Variants in ING5 observed in about 807,000 individuals in gnomAD.
ING5 encodes the protein inhibitor of growth family member 5.
ING5 carries 17 observed loss-of-function variants against 37.4 expected under a neutral mutation model. The ratio of observed to expected loss-of-function variants is 0.45; its 90% CI spans 0.31 to 0.68. The LOEUF is 0.68. ING5 is among the 30% of genes least tolerant of loss of function. The pLI is 0.05. For missense variants in ING5, 233 were observed against 311.9 expected (o/e 0.75, Z 1.91); for synonymous variants, 123 against 116.6 (o/e 1.06, Z -0.36).
At chr2:241,697,825 G>A (rs112134035), upstream of ING5, among the ~76,000 whole-genome samples, 9 of 152,126 alleles carry the variant, frequency 5.9e-5, no homozygotes, top group Admixed American at 2.6e-4. Context: ...GCTCACGCCC[G>A]TAATCCCAAC....
intron 2 of ING5, among the ~76,000 whole-genome samples, chr2:241,693,958 C>G (rs141502918): frequency 2.0e-3 from 303 of 151,684 alleles, no homozygotes; most frequent in African/African-American, 6.8e-3. Flanking sequence ...CGCGCCTGGC[C>G]CTCTCTGGCA....
exon 1 of ING5, chr2:241,687,142 G>A: frequency 2.6e-6 from 1 of 389,692 alleles, no homozygotes; most frequent in South Asian, 1.4e-4. Context: ...GGAGCGCAGG[G>A]TCGGAGGGGC....
upstream of ING5, among the ~76,000 whole-genome samples, chr2:241,698,952 T>G: frequency 6.6e-6 from 1 of 151,424 alleles, no homozygotes; most frequent in South Asian, 2.1e-4. Context: ...GGTCTCGAAC[T>G]CCCGACCTCA....
intron 2 of ING5, among the ~76,000 whole-genome samples, chr2:241,704,942 T>G (rs1292645363): frequency 6.6e-6 from 1 of 152,240 alleles, no homozygotes; most frequent in African/African-American, 2.4e-5. Context: ...TATCATGTTT[T>G]TATAACCATC....
chr2:241,706,774 G>A (rs1448120494), intron 2 of ING5, among the ~76,000 whole-genome samples: 1 of 152,116 alleles, frequency 6.6e-6, no homozygotes, highest in Admixed American at 6.6e-5. Flanking sequence ...TCAGGAAGTT[G>A]GCGACATTGC....
chr2:241,715,077 T>C (rs1040522947), intron 5 of ING5, among the ~76,000 whole-genome samples: 3 of 152,226 alleles, frequency 2.0e-5, no homozygotes, highest in African/African-American at 7.2e-5. Flanking sequence ...TTTTATATCT[T>C]CCTTGTTCTA....
In ING5 at chr2:241,702,095, T is replaced by C; in HGVS notation, c.30T>C (p.Tyr10=). ...CGACCGCCATGTACTTGGAGCACTA[T>C]CTGGACAGTAAGCGCGCCCCACGGG... MATAMYLEH[Y]LDSIENLPCE... The change falls in exon 1 of 8, where the codon TAT becomes TAC. Residue 10 remains tyrosine, a synonymous_variant. Transcript: ENST00000313552. The C allele has an allele frequency of 7.4e-7, 1 of 1,358,256 alleles. No individual in the cohort carries two copies. The highest frequency in any genetic ancestry group is 3.4e-5 in the East Asian group (1 of 29,604). 84.1% of individuals were successfully genotyped at this position (1,358,256 alleles called of 1,614,324 possible).
upstream of ING5, among the ~76,000 whole-genome samples, chr2:241,698,221 G>C (rs774282195): frequency 2.4e-4 from 36 of 152,058 alleles, no homozygotes; most frequent in Non-Finnish European, 3.8e-4. Context: ...AAGGCAGGAG[G>C]ATCATGAGGT....
At chr2:241,717,512 A>G (rs2070307622) in intron 5 of ING5, among the ~76,000 whole-genome samples, 1 of 152,070 alleles carries the variant, frequency 6.6e-6, no homozygotes, top group Non-Finnish European at 1.5e-5. Context: ...CATTTTTTGC[A>G]GTACATGTAT....
At chr2:241,720,846 T>C (rs2070413083) in intron 5 of ING5, 2 of 985,714 alleles carry the variant, frequency 2.0e-6, no homozygotes, top group South Asian at 4.7e-5. Flanking sequence ...TCAGGGCTGA[T>C]AGCAGCACTC....
intron 5 of ING5, 187 bp downstream of exon 5, chr2:241,712,258 CAG>C (rs1165131600): frequency 2.5e-5 from 14 of 551,512 alleles, no homozygotes; most frequent in South Asian, 7.4e-5. Flanking sequence ...GTGCCGTTGT[CAG>C]GGGCATTTTC....
chr2:241,714,856 C>T (rs1478844540), intron 5 of ING5, among the ~76,000 whole-genome samples: 3 of 152,120 alleles, frequency 2.0e-5, no homozygotes, highest in Non-Finnish European at 2.9e-5. Flanking sequence ...TCAACCTCTC[C>T]GTGTGTTGAG....
chr2:241,701,948 C>CG (rs913648347), upstream of ING5: 1 of 557,448 alleles, frequency 1.8e-6, no homozygotes, highest in Admixed American at 4.8e-5. Context: ...ACCCCGCCCC[C>CG]GGGCGCGACC....
chr2:241,723,774 G>T, intron 7 of ING5: 3 of 1,598,252 alleles, frequency 1.9e-6, no homozygotes, highest in Non-Finnish European at 2.5e-6. Flanking sequence ...GCAACTTTCT[G>T]CATTGTTGTT....
intron 2 of ING5, among the ~76,000 whole-genome samples, chr2:241,708,532 A>G (rs1214516437): frequency 3.3e-5 from 5 of 152,174 alleles, no homozygotes; most frequent in Non-Finnish European, 7.4e-5. Context: ...TCTAAACTGA[A>G]GGGTTAAGAG....
chr2:241,719,380 C>G (rs530020981), intron 5 of ING5: 8 of 687,876 alleles, frequency 1.2e-5, no homozygotes, highest in South Asian at 8.4e-5. Flanking sequence ...CAACACCCCC[C>G]ACTCTGGCTG....
intron 5 of ING5, among the ~76,000 whole-genome samples, chr2:241,717,359 C>G (rs2070303629): frequency 6.6e-6 from 1 of 152,186 alleles, no homozygotes; most frequent in Non-Finnish European, 1.5e-5. Context: ...GCATGAGCCA[C>G]CGCGCCTGGC....
chr2:241,721,515 A>G (rs2070435762), intron 5 of ING5: 2 of 985,322 alleles, frequency 2.0e-6, no homozygotes, highest in Admixed American at 6.2e-5. Context: ...GGCAATTGCA[A>G]AGGCGTAGAA....
intron 1 of ING5, among the ~76,000 whole-genome samples, chr2:241,703,165 G>T (rs1346923847): frequency 6.6e-6 from 1 of 152,230 alleles, no homozygotes; most frequent in African/African-American, 2.4e-5. Flanking sequence ...CCAGCCAGTG[G>T]GCTGGCCTCC....
Sources: gnomAD v4.1 joint callset for allele counts (sites outside exome capture counted in the v4.1 genomes callset) on GRCh38, gnomAD v4.1.1 for gene constraint, MANE v1.5 for transcripts, NCBI Gene and HGNC (gene_info 2026-07-23, HGNC 2026-07-21) for gene names.